Variants in KLF8 observed in about 807,000 individuals in gnomAD.
KLF8 encodes the protein Krueppel-like factor 8.
A neutral mutation model predicts 18.2 loss-of-function variants in KLF8; 10 were observed. That is an observed-to-expected ratio of 0.55 (90% confidence interval 0.34 to 0.93). The LOEUF (loss-of-function observed/expected upper bound fraction) is 0.93, where lower values mean the gene tolerates loss of function less well. KLF8 is among the 40% of genes least tolerant of loss of function. KLF8 has a pLI of 0.02. For missense variants in KLF8, 264 were observed against 277.9 expected (o/e 0.95, Z 0.36); for synonymous variants, 109 against 97.3 (o/e 1.12, Z -0.71).
the KLF8 span, among the ~76,000 whole-genome samples, chrX:56,039,030 A>T: frequency 9.0e-6 from 1 of 110,932 alleles, no homozygotes; most frequent in African/African-American, 3.3e-5. Flanking sequence ...GTGGCTGTTG[A>T]GGTTTATTGC....
the KLF8 span, among the ~76,000 whole-genome samples, chrX:56,128,689 C>T: frequency 1.8e-5 from 2 of 111,913 alleles, no homozygotes; most frequent in Non-Finnish European, 3.8e-5. Context: ...GTCAGATACT[C>T]CCATGTAATG....
chrX:56,170,238 A>T, the KLF8 span, among the ~76,000 whole-genome samples: 3 of 110,089 alleles, frequency 2.7e-5, no homozygotes, highest in Non-Finnish European at 5.7e-5. Context: ...AACACAAAAT[A>T]TGAAGATTAC....
the KLF8 span, among the ~76,000 whole-genome samples, chrX:56,097,476 T>A: frequency 9.3e-6 from 1 of 108,063 alleles, no homozygotes; most frequent in Non-Finnish European, 1.9e-5. Context: ...ATTACATGTG[T>A]GTGCACCACA....
the KLF8 span, among the ~76,000 whole-genome samples, chrX:56,179,096 T>C: frequency 8.9e-6 from 1 of 112,333 alleles, no homozygotes; most frequent in Non-Finnish European, 1.9e-5. Flanking sequence ...TTTCACAATA[T>C]TGATTCTTCC....
the KLF8 span, among the ~76,000 whole-genome samples, chrX:56,189,886 G>A: frequency 1.6e-4 from 10 of 63,866 alleles, no homozygotes; most frequent in African/African-American, 6.2e-4. Context: ...GGGGGGAGGG[G>A]GGAGGGATAA....
chrX:55,925,475 G>T, the KLF8 span, among the ~76,000 whole-genome samples: 1 of 110,995 alleles, frequency 9.0e-6, no homozygotes, highest in Non-Finnish European at 1.9e-5. Flanking sequence ...AATACCATCT[G>T]TTGCATTTAC....
the KLF8 span, among the ~76,000 whole-genome samples, chrX:56,047,648 C>A: frequency 9.0e-6 from 1 of 111,304 alleles, no homozygotes; most frequent in Non-Finnish European, 1.9e-5. Context: ...GCCACATTTT[C>A]TTAATCCAGT....
At chrX:55,976,517 T>C in the KLF8 span, among the ~76,000 whole-genome samples, 6 of 110,710 alleles carry the variant, frequency 5.4e-5, no homozygotes, top group African/African-American at 2.0e-4. Flanking sequence ...CACTTTTATC[T>C]ACGTTGTCAC....
At chrX:56,268,639 G>A in intron 3 of KLF8, 1 of 710,677 alleles carries the variant, frequency 1.4e-6, no homozygotes, top group East Asian at 1.5e-4. Context: ...TTTAGTGAAT[G>A]ATATGCAAAG....
chrX:56,268,917 A>G, intron 3 of KLF8: 1 of 952,857 alleles, frequency 1.0e-6, no homozygotes, highest in Non-Finnish European at 1.3e-6. Flanking sequence ...GTTTAGGAGC[A>G]CAAAGGCCAA....
the KLF8 span, among the ~76,000 whole-genome samples, chrX:56,186,520 G>A: frequency 9.0e-6 from 1 of 111,095 alleles, no homozygotes; most frequent in African/African-American, 3.3e-5. Flanking sequence ...TCTGCACCAA[G>A]CGGACCTAAT....
chrX:56,213,852 C>T, the KLF8 span, among the ~76,000 whole-genome samples: 3 of 111,242 alleles, frequency 2.7e-5, no homozygotes, highest in Admixed American at 2.9e-4. Flanking sequence ...ATCAGTGTGA[C>T]AGGCTTCTGT....
chrX:56,247,757 G>A (rs764912618), intron 1 of KLF8, among the ~76,000 whole-genome samples: 129 of 110,728 alleles, frequency 1.2e-3, no homozygotes, highest in Admixed American at 1.5e-3. Flanking sequence ...TGGAGCTGCC[G>A]TCTGGTATGA....
chrX:56,160,799 G>A, the KLF8 span, among the ~76,000 whole-genome samples: 1 of 110,989 alleles, frequency 9.0e-6, no homozygotes, highest in Non-Finnish European at 1.9e-5. Flanking sequence ...GCGTGAGATG[G>A]GTTTCCTGAA....
chrX:55,928,705 C>A, the KLF8 span, among the ~76,000 whole-genome samples: 1 of 111,912 alleles, frequency 8.9e-6, no homozygotes, highest in Admixed American at 9.5e-5. Context: ...TGAACTCATC[C>A]TTTTTCATGG....
At chrX:56,128,168 T>C in the KLF8 span, among the ~76,000 whole-genome samples, 1 of 111,963 alleles carries the variant, frequency 8.9e-6, no homozygotes, top group African/African-American at 3.3e-5. Context: ...TAAAAGAGTA[T>C]AGCAACAGAT....
the KLF8 span, among the ~76,000 whole-genome samples, chrX:56,054,548 A>G: frequency 8.9e-6 from 1 of 112,087 alleles, no homozygotes. Flanking sequence ...GGATATGAGA[A>G]GAATGTATAT....
chrX:56,198,247 GC>G, the KLF8 span, among the ~76,000 whole-genome samples: 1 of 111,917 alleles, frequency 8.9e-6, no homozygotes, highest in East Asian at 2.8e-4. Flanking sequence ...GGGCAATCAG[GC>G]AAGAGAAAGA....
chrX:56,158,497 C>T, the KLF8 span, among the ~76,000 whole-genome samples: 1 of 111,874 alleles, frequency 8.9e-6, no homozygotes, highest in South Asian at 3.7e-4. Context: ...GCCATTTTCA[C>T]AATATTGATT....
Sources: gnomAD v4.1 joint callset for allele counts (sites outside exome capture counted in the v4.1 genomes callset) on GRCh38, gnomAD v4.1.1 for gene constraint, MANE v1.5 for transcripts, NCBI Gene and HGNC (gene_info 2026-07-23, HGNC 2026-07-21) for gene names.